The following NRP1 variants were observed in gnomAD, a reference collection of about 807,000 sequenced individuals.
NRP1 encodes neuropilin-1.
Under a neutral mutation model 106.7 loss-of-function variants are expected in NRP1, and 35 were observed. That is an observed-to-expected ratio of 0.33 (90% CI 0.25 to 0.43). The LOEUF is 0.43. NRP1 is among the 20% of genes least tolerant of loss of function. The pLI is 1.00. For synonymous variants in NRP1, 437 were observed against 417.9 expected, an observed-to-expected ratio of 1.05 and a Z score of -0.56; for missense variants, 1,024 against 1,170.4, an observed-to-expected ratio of 0.87 and a Z score of 1.83.
At chr10:33,241,273 T>C (rs1331073591) in intron 6 of NRP1, among the ~76,000 whole-genome samples, 1 of 152,176 alleles carries the variant, frequency 6.6e-6, no homozygotes, top group African/African-American at 2.4e-5. Context: ...TTCCGTGCTC[T>C]GAAGACATGT....
chr10:33,271,876 G>T (rs1843333210), intron 2 of NRP1, among the ~76,000 whole-genome samples: 2 of 152,180 alleles, frequency 1.3e-5, no homozygotes, highest in African/African-American at 4.8e-5. Context: ...TCACCTAGGA[G>T]CAAGAGAATC....
chr10:33,240,813 A>C (rs1173838331), intron 6 of NRP1, among the ~76,000 whole-genome samples: 1 of 151,642 alleles, frequency 6.6e-6, no homozygotes, highest in Non-Finnish European at 1.5e-5. Flanking sequence ...GACAAGAACG[A>C]AGAGAAAGAA....
intron 6 of NRP1, among the ~76,000 whole-genome samples, chr10:33,237,773 G>A (rs373514065): frequency 1.0e-3 from 153 of 151,894 alleles, no homozygotes; most frequent in African/African-American, 3.6e-3. Context: ...TGTTGGCCAG[G>A]CAGTTCTCCT....
chr10:33,261,458 A>G (rs1386395003), intron 4 of NRP1, among the ~76,000 whole-genome samples: 1 of 152,212 alleles, frequency 6.6e-6, no homozygotes, highest in Non-Finnish European at 1.5e-5. Context: ...CTATTTTCCT[A>G]ATTATCAGAT....
rs762746828 is a variant in NRP1 at position 33,322,420 on chromosome 10, G to A, written c.248+8288C>T. 1.1e-3 allele frequency among the ~76,000 whole-genome samples: 160 copies of A among 152,004 alleles called. 1 individual carries two copies. The highest frequency in any genetic ancestry group is 2.0e-3 in the Non-Finnish European group (137 of 67,988). On this transcript the variant is annotated intron_variant, in intron 2 of 16. Transcript: ENST00000374867. ...AAGGATAGAGTCTCGCTCTATTGCC[G>A]AAGCTGGAGTGCAGTGGCAAGATTA...
chr10:33,188,314 T>G (rs537836385), intron 13 of NRP1, among the ~76,000 whole-genome samples: 121 of 152,252 alleles, frequency 7.9e-4, no homozygotes, highest in Admixed American at 4.2e-3. Context: ...AGGAGAGAAG[T>G]GGACGTAGGT....
intron 2 of NRP1, among the ~76,000 whole-genome samples, chr10:33,289,462 T>C (rs1564458612): frequency 6.6e-6 from 1 of 152,182 alleles, no homozygotes; most frequent in African/African-American, 2.4e-5. Flanking sequence ...TCTAATGAGG[T>C]CCACGTCATC....
chr10:33,300,179 T>C (rs544651935), intron 2 of NRP1, among the ~76,000 whole-genome samples: 467 of 152,322 alleles, frequency 3.1e-3, no homozygotes, highest in Non-Finnish European at 4.7e-3. Context: ...CTAACCTTGG[T>C]GTCAAAGTGT....
At chr10:33,230,597 A>ATGTGTG (rs10558085) in intron 6 of NRP1, among the ~76,000 whole-genome samples, 31 of 144,692 alleles carry the variant, frequency 2.1e-4, no homozygotes, top group East Asian at 4.0e-4. Flanking sequence ...TTTCTCATAT[A>ATGTGTG]TGTGTGTGTG....
Position 33,213,376 on chromosome 10 carries a change from C to G in NRP1, c.1614+10G>C, listed in dbSNP as rs376295721. 1.2e-6 allele frequency: 2 copies of G among 1,614,094 alleles called. No individual in the cohort carries two copies. The highest frequency in any genetic ancestry group is 4.5e-5 in the East Asian group (2 of 44,858). On this transcript the variant is annotated intron_variant, in intron 9 of 16. Coordinates refer to ENST00000374867, the MANE Select transcript of NRP1 (RefSeq NM_003873.7). ...TAAGGGATGACCTCCTCCCAGTCCC[C>G]AGCCCTCACCTTCGCCTTGCGTTTG...
At chr10:33,319,002 C>CTTTTTTTT (rs36010472) in intron 2 of NRP1, among the ~76,000 whole-genome samples, 3 of 90,758 alleles carry the variant, frequency 3.3e-5, no homozygotes, top group African/African-American at 3.5e-5. Context: ...TCTTTTCTTT[C>CTTTTTTTT]TTTTTTTTTT....
chr10:33,314,058 T>TC (rs1846826190), intron 2 of NRP1, among the ~76,000 whole-genome samples: 2 of 128,456 alleles, frequency 1.6e-5, no homozygotes, highest in African/African-American at 3.0e-5. Flanking sequence ...TTCTTTCTAT[T>TC]CCTCCCTCCC....
chr10:33,331,169 T>G (rs1589011820), intron 1 of NRP1, among the ~76,000 whole-genome samples: 1 of 152,320 alleles, frequency 6.6e-6, no homozygotes, highest in Non-Finnish European at 1.5e-5. Context: ...TTAAAAACAT[T>G]AAATCCCCTC....
chr10:33,273,041 G>C (rs1055676508), intron 2 of NRP1, among the ~76,000 whole-genome samples: 1 of 131,124 alleles, frequency 7.6e-6, no homozygotes, highest in African/African-American at 2.9e-5. Flanking sequence ...AATACTAGGC[G>C]CTCCTCTTGG....
chr10:33,202,782 G>C, intron 11 of NRP1, 109 bp downstream of exon 11: 1 of 1,599,674 alleles, frequency 6.3e-7, no homozygotes, highest in Non-Finnish European at 8.5e-7. Flanking sequence ...TCTATTCCTG[G>C]GCAGCTCTCT....
In NRP1 at chr10:33,270,724, G is replaced by A. The variant is rs142912222; in HGVS notation, c.381C>T (p.Tyr127=). ...TGGAAAATCCTGCACCATGTGTTTC[G>A]TAGTCAGAGACAAATTTGATAAAAA... ...PFLFIKFVSD[Y]ETHGAGFSIR... is the part of the protein sequence containing the mutation. The change falls in exon 3 of 17, where the codon TAC becomes TAT. Residue 127 remains tyrosine, a synonymous_variant. Transcript: ENST00000374867. 1.1e-4 allele frequency: 171 copies of A among 1,613,740 alleles called. No homozygotes were observed. The highest frequency in any genetic ancestry group is 1.3e-4 in the Non-Finnish European group (154 of 1,179,892).
intron 2 of NRP1, among the ~76,000 whole-genome samples, chr10:33,274,922 C>T (rs550941404): frequency 2.0e-5 from 3 of 152,268 alleles, no homozygotes; most frequent in Non-Finnish European, 2.9e-5. Flanking sequence ...TTATTTTGCA[C>T]GAGCATTAAT....
At chr10:33,296,244 G>A (rs1390405688) in intron 2 of NRP1, among the ~76,000 whole-genome samples, 1 of 152,150 alleles carries the variant, frequency 6.6e-6, no homozygotes. Context: ...CCATCCTCGG[G>A]CCTTTCAGTG....
chr10:33,259,534 G>A lies in NRP1; in HGVS notation c.659-3063C>T, dbSNP rs189073287. ...TGTTATTGTGGACCGAAGCGCCGAGGAGATGAATGAAAATGGTCACAAAAA... is the reference window on the plus strand; with the variant it reads ...TGTTATTGTGGACCGAAGCGCCGAGAAGATGAATGAAAATGGTCACAAAAA... On this transcript the variant is annotated intron_variant, in intron 4 of 16. Transcript: ENST00000374867. Among the ~76,000 whole-genome samples the A allele has an allele frequency of 1.6e-4, 25 of 152,238 alleles. No individual in the cohort carries two copies. The East Asian group carries it at 4.6e-3, about 28-fold the overall frequency.
Sources: allele counts gnomAD v4.1 joint callset (sites outside exome capture counted in the v4.1 genomes callset), GRCh38; gene constraint gnomAD v4.1.1; transcripts MANE v1.5; gene names NCBI Gene and HGNC (gene_info 2026-07-23, HGNC 2026-07-21).